ADGRL3: variants seen among roughly 807,000 people sequenced by gnomAD.
ADGRL3 encodes calcium-independent alpha-latrotoxin receptor 3.
A neutral mutation model predicts 153.5 loss-of-function variants in ADGRL3; 62 were observed. The ratio of observed to expected loss-of-function variants is 0.40; its 90% confidence interval spans 0.33 to 0.50. The LOEUF is 0.50. Among genes scored for constraint, ADGRL3 ranks in the 20% least tolerant of loss-of-function variants. ADGRL3 has a pLI of 0.47. For missense variants in ADGRL3, 1,641 were observed against 1,859.4 expected, an observed-to-expected ratio of 0.88 and a Z score of 2.16; for synonymous variants, 710 against 672.5, an observed-to-expected ratio of 1.06 and a Z score of -0.86.
chr4:61,731,004 A>G (rs1030971691), intron 7 of ADGRL3, among the ~76,000 whole-genome samples: 5 of 151,880 alleles, frequency 3.3e-5, no homozygotes, highest in African/African-American at 1.2e-4. Context: ...TATTTTGGGG[A>G]AAAGGGAAAA....
intron 5 of ADGRL3, among the ~76,000 whole-genome samples, chr4:61,627,150 T>G (rs1176686269): frequency 6.6e-6 from 1 of 152,208 alleles, no homozygotes; most frequent in African/African-American, 2.4e-5. Flanking sequence ...CATGAAACGT[T>G]GTATTACTAG....
intron 3 of ADGRL3, among the ~76,000 whole-genome samples, chr4:61,511,910 C>T (rs1424377348): frequency 6.6e-6 from 1 of 152,058 alleles, no homozygotes; most frequent in Non-Finnish European, 1.5e-5. Context: ...GAGATTACTA[C>T]CCAGCCTATA....
intron 9 of ADGRL3, among the ~76,000 whole-genome samples, chr4:61,881,657 C>T (rs1434658677): frequency 2.0e-5 from 3 of 152,182 alleles, no homozygotes; most frequent in South Asian, 2.1e-4. Flanking sequence ...GGAACACAGG[C>T]GTGAGCCACC....
intron 9 of ADGRL3, among the ~76,000 whole-genome samples, chr4:61,844,575 A>AAATATATATAT (rs1554045137): frequency 5.5e-5 from 1 of 18,096 alleles, no homozygotes; most frequent in Non-Finnish European, 8.4e-5. Flanking sequence ...AAAAAAAAAA[A>AAATATATATAT]ATATATATAT....
At chr4:61,273,448 A>G (rs1578071819) in intron 1 of ADGRL3, among the ~76,000 whole-genome samples, 1 of 152,192 alleles carries the variant, frequency 6.6e-6, no homozygotes, top group East Asian at 1.9e-4. Flanking sequence ...GCACTTAGCC[A>G]TTTCTGCAGA....
At chr4:61,260,399 G>A (rs1261418384) in intron 1 of ADGRL3, among the ~76,000 whole-genome samples, 1 of 152,190 alleles carries the variant, frequency 6.6e-6, no homozygotes, top group African/African-American at 2.4e-5. Flanking sequence ...GAAATGGATA[G>A]AGTCTGTATA....
intron 8 of ADGRL3, among the ~76,000 whole-genome samples, chr4:61,743,895 G>T (rs1487920269): frequency 6.6e-6 from 1 of 152,190 alleles, no homozygotes; most frequent in Admixed American, 6.5e-5. Context: ...TGTGCGAGCC[G>T]AAGCAGGGCG....
At chr4:61,950,698 A>G (rs554276460) in intron 17 of ADGRL3, among the ~76,000 whole-genome samples, 70 of 152,352 alleles carry the variant, frequency 4.6e-4, no homozygotes, top group African/African-American at 1.6e-3. Context: ...GAAGTGTTAC[A>G]TATTGTCTTC....
chr4:61,501,931 T>C (rs2152829278), intron 3 of ADGRL3, among the ~76,000 whole-genome samples: 1 of 152,338 alleles, frequency 6.6e-6, no homozygotes, highest in East Asian at 1.9e-4. Flanking sequence ...TTTTCTGTTT[T>C]CCATGACTGT....
chr4:61,913,170 G>C (rs1293079898), intron 13 of ADGRL3, among the ~76,000 whole-genome samples: 3 of 152,088 alleles, frequency 2.0e-5, no homozygotes, highest in African/African-American at 4.8e-5. Flanking sequence ...GGAATATCAT[G>C]CTTCTGTTCC....
chr4:61,374,266 T>A (rs553621958), intron 1 of ADGRL3, among the ~76,000 whole-genome samples: 2 of 152,286 alleles, frequency 1.3e-5, no homozygotes, highest in East Asian at 3.9e-4. Context: ...CCTCAGAGCT[T>A]TAGGTATTTC....
At position 61,821,029 on chromosome 4, in the gene ADGRL3, T is replaced by A. The variant is rs143244085; in HGVS notation, c.1480+7140T>A. Among the ~76,000 whole-genome samples, 313 of 152,264 alleles carry A rather than the reference T, an allele frequency of 2.1e-3. 2 individuals carry two copies. Among genetic ancestry groups the A allele is most frequent in the African/African-American group, 7.1e-3 (295 of 41,534 alleles). ...GTTTACATATACCAGTTGGGACACATCCTTCAGTTGAGACTTTGTTGTTTT... is the reference window on the plus strand; with the variant it reads ...GTTTACATATACCAGTTGGGACACAACCTTCAGTTGAGACTTTGTTGTTTT... On this transcript the variant is annotated intron_variant, in intron 9 of 26. Coordinates refer to ENST00000683033, the MANE Select transcript of ADGRL3 (RefSeq NM_001387552.1).
At chr4:61,521,292 G>A (rs796400558) in intron 4 of ADGRL3, among the ~76,000 whole-genome samples, 1 of 152,246 alleles carries the variant, frequency 6.6e-6, no homozygotes, top group African/African-American at 2.4e-5. Flanking sequence ...AGACGAAACA[G>A]CAACACAAGG....
In ADGRL3 at chr4:61,367,296, T is replaced by C. The variant is rs185927163; in HGVS notation, c.-239-15828T>C. ...TACATGTGCACATTGTGCAGGTTAG[T>C]TATATAAGTATACATGTGCCATGCT... On this transcript the variant is annotated intron_variant, in intron 1 of 26. Transcript: ENST00000683033. Among the ~76,000 whole-genome samples, 478 of 152,094 alleles carry C rather than the reference T, an allele frequency of 3.1e-3. 4 individuals carry two copies. Among genetic ancestry groups the C allele is most frequent in the African/African-American group, 0.011 (456 of 41,478 alleles).
chr4:61,310,721 C>G (rs2094965774), intron 1 of ADGRL3, among the ~76,000 whole-genome samples: 1 of 146,966 alleles, frequency 6.8e-6, no homozygotes, highest in Non-Finnish European at 1.5e-5. Flanking sequence ...TTTTCATACC[C>G]TGTAAGATCA....
intron 25 of ADGRL3, among the ~76,000 whole-genome samples, chr4:62,048,518 C>T (rs902646811): frequency 5.3e-5 from 8 of 152,030 alleles, no homozygotes; most frequent in Non-Finnish European, 1.0e-4. Context: ...GCCTTGGCCT[C>T]CCAAAGTGCT....
intron 17 of ADGRL3, among the ~76,000 whole-genome samples, chr4:61,967,594 A>G (rs1181549184): frequency 6.6e-6 from 1 of 152,206 alleles, no homozygotes; most frequent in Non-Finnish European, 1.5e-5. Flanking sequence ...CAGCTCTGCA[A>G]AAATACCCAT....
At chr4:62,034,994 G>A (rs891174227) in intron 23 of ADGRL3, among the ~76,000 whole-genome samples, 2 of 151,886 alleles carry the variant, frequency 1.3e-5, no homozygotes, top group African/African-American at 4.8e-5. Context: ...TCTGACTAGG[G>A]TAACTAAGAT....
Position 61,813,826 on chromosome 4 carries a change from C to A in ADGRL3, c.1417C>A (p.Gln473Lys). 1 of 1,574,122 alleles carries A rather than the reference C, an allele frequency of 6.4e-7. No individual in the cohort carries two copies. Among genetic ancestry groups the A allele is most frequent in the South Asian group, 1.1e-5 (1 of 90,194 alleles). Residue 473 changes from glutamine to lysine, a missense_variant, in exon 9 of 27, where the codon CAA becomes AAA. Gln to Lys is a moderately conservative substitution (Grantham distance 53). This residue lies in a region of ADGRL3 where 734 missense variants were observed against 797.0 expected (regional missense o/e 0.92). Coordinates refer to ENST00000683033, the MANE Select transcript of ADGRL3 (RefSeq NM_001387552.1). ...DSRSGQAHHG[Q>K]VSYISPPIHL... Reference sequence around the variant, plus strand: ...GTCCACAGGGCAGGCACATCATGGACAAGTTTCATACATTTCTCCGCCAAT... The same window carrying A: ...GTCCACAGGGCAGGCACATCATGGAAAAGTTTCATACATTTCTCCGCCAAT...
Sources: allele counts gnomAD v4.1 joint callset (sites outside exome capture counted in the v4.1 genomes callset), GRCh38; gene constraint gnomAD v4.1.1; regional missense constraint gnomAD v4.1.1; transcripts MANE v1.5; gene names NCBI Gene and HGNC (gene_info 2026-07-23, HGNC 2026-07-21).